AIG1: variants seen among roughly 807,000 people sequenced by gnomAD.
AIG1 encodes the protein androgen-induced gene 1 protein.
Under a neutral mutation model 31.4 loss-of-function variants are expected in AIG1, and 23 were observed. The observed-to-expected ratio is 0.73, with a 90% confidence interval of 0.53 to 1.04. The LOEUF is 1.04. Ranked by LOEUF, AIG1 falls within the 50% of genes least tolerant of loss-of-function variation. The probability of loss-of-function intolerance (pLI) is 0.00; values close to 1 mark genes in which losing one functional copy is unlikely to be tolerated. For missense variants in AIG1, 274 were observed against 295.0 expected, an observed-to-expected ratio of 0.93 and a Z score of 0.52; for synonymous variants, 100 against 110.5, an observed-to-expected ratio of 0.90 and a Z score of 0.60.
At chr6:143,210,191 A>G (rs561608391) in intron 3 of AIG1, among the ~76,000 whole-genome samples, 2 of 152,322 alleles carry the variant, frequency 1.3e-5, no homozygotes, top group South Asian at 4.1e-4. Flanking sequence ...CCATGTGAAG[A>G]AGGACATGTT....
intron 3 of AIG1, among the ~76,000 whole-genome samples, chr6:143,185,078 C>T (rs994065388): frequency 6.6e-6 from 1 of 152,118 alleles, no homozygotes; most frequent in African/African-American, 2.4e-5. Flanking sequence ...CGCCTGTAGT[C>T]CCACCTACTT....
chr6:143,229,784 C>CAACAAAAAAAAAA (rs1554260078), intron 3 of AIG1, among the ~76,000 whole-genome samples: 1 of 80,710 alleles, frequency 1.2e-5, no homozygotes. Context: ...ACTCTCAGAA[C>CAACAAAAAAAAAA]AAAAAAAAAA....
chr6:143,255,201 T>G (rs1358951791), intron 3 of AIG1, among the ~76,000 whole-genome samples: 2 of 152,192 alleles, frequency 1.3e-5, no homozygotes, highest in Non-Finnish European at 2.9e-5. Flanking sequence ...GCAACAATAA[T>G]TGAGCCACCC....
chr6:143,234,966 G>T (rs1793702943), intron 3 of AIG1, among the ~76,000 whole-genome samples: 1 of 152,128 alleles, frequency 6.6e-6, no homozygotes, highest in African/African-American at 2.4e-5. Flanking sequence ...TGAGTTAAAT[G>T]CACTTCCCTT....
chr6:143,194,187 A>G lies in AIG1; in HGVS notation c.399+29004A>G, dbSNP rs146098040. 3.4e-3 allele frequency among the ~76,000 whole-genome samples: 511 copies of G among 152,318 alleles called. 6 individuals are homozygous for G. Among genetic ancestry groups the G allele is most frequent in the African/African-American group, 0.012 (486 of 41,558 alleles). ...GACTTACAGTTCTGTATGGCTGGGT[A>G]GGTCTCAGGAAACTTACAATCATGG... On this transcript the variant is annotated intron_variant, in intron 3 of 5. Transcript: ENST00000357847.
At chr6:143,272,056 C>T (rs555192581) in intron 3 of AIG1, among the ~76,000 whole-genome samples, 44 of 152,198 alleles carry the variant, frequency 2.9e-4, no homozygotes, top group Non-Finnish European at 2.6e-4. Flanking sequence ...CCTTCCCTTA[C>T]GGTAATTATA....
At chr6:143,188,083 A>G (rs1249482877) in intron 3 of AIG1, 16 of 1,037,946 alleles carry the variant, frequency 1.5e-5, no homozygotes, top group Non-Finnish European at 1.9e-5. Context: ...CAAAGGGTAC[A>G]GTGATAAATG....
intron 3 of AIG1, among the ~76,000 whole-genome samples, chr6:143,246,656 A>G (rs1381195867): frequency 1.3e-5 from 2 of 152,272 alleles, no homozygotes; most frequent in Non-Finnish European, 2.9e-5. Flanking sequence ...TGTGGAGTTC[A>G]TAAAATAATA....
chr6:143,187,305 A>G (rs1051527541), intron 3 of AIG1: 1 of 1,180,798 alleles, frequency 8.5e-7, no homozygotes, highest in East Asian at 2.5e-5. Flanking sequence ...GCTAATATTC[A>G]CACATATGGC....
chr6:143,311,308 A>T (rs1383625887), intron 4 of AIG1, among the ~76,000 whole-genome samples: 1 of 151,938 alleles, frequency 6.6e-6, no homozygotes, highest in Non-Finnish European at 1.5e-5. Flanking sequence ...AATACTCAAG[A>T]TGATGGAGAC....
rs73777880 is a variant in AIG1 at position 143,123,413 on chromosome 6, T to C, written c.142-13422T>C. On this transcript the variant is annotated intron_variant, in intron 1 of 5. Transcript: ENST00000357847. ...GAGATAGAGTCAGGCAGACTCTAACTTGGCTATGTGCAGGCTTTTCTTACT... is the reference window on the plus strand; with the variant it reads ...GAGATAGAGTCAGGCAGACTCTAACCTGGCTATGTGCAGGCTTTTCTTACT... 3.2e-3 allele frequency among the ~76,000 whole-genome samples: 493 copies of C among 152,360 alleles called. 1 individual carries two copies. The highest frequency in any genetic ancestry group is 0.012 in the African/African-American group (479 of 41,576).
chr6:143,300,865 CA>C (rs1332747170), intron 4 of AIG1, among the ~76,000 whole-genome samples: 3 of 152,312 alleles, frequency 2.0e-5, no homozygotes, highest in African/African-American at 7.2e-5. Flanking sequence ...CTGACACATA[CA>C]AATGAGGTGA....
At chr6:143,168,610 C>T (rs575750420) in intron 3 of AIG1, among the ~76,000 whole-genome samples, 5 of 151,834 alleles carry the variant, frequency 3.3e-5, no homozygotes, top group Non-Finnish European at 5.9e-5. Context: ...AATTTCTTAC[C>T]AGCCTGGATA....
At chr6:143,191,428 A>G (rs1332359125) in intron 3 of AIG1, among the ~76,000 whole-genome samples, 1 of 152,222 alleles carries the variant, frequency 6.6e-6, no homozygotes, top group Non-Finnish European at 1.5e-5. Flanking sequence ...GTTATATGAA[A>G]CAAAATATAA....
intron 3 of AIG1, among the ~76,000 whole-genome samples, chr6:143,205,523 G>T (rs1028568062): frequency 6.6e-5 from 10 of 152,050 alleles, no homozygotes; most frequent in African/African-American, 1.9e-4. Context: ...TATATATTCT[G>T]GTGATAAATG....
chr6:143,334,494 G>C lies in AIG1; in HGVS notation c.679+1049G>C, dbSNP rs186253512. ...GTATTAGCCAATGTTAAATGGCGCA[G>C]AGGAATTTGAGGGTTTCTTTTCTCA... On this transcript the variant is annotated intron_variant, in intron 5 of 5. Coordinates refer to ENST00000357847, the MANE Select transcript of AIG1 (RefSeq NM_016108.4). The surrounding 1 kb of genome is among the most constrained non-coding windows in gnomAD (Gnocchi z 5.1). Among the ~76,000 whole-genome samples the C allele has an allele frequency of 3.3e-5, 5 of 152,334 alleles. No individual in the cohort carries two copies. In the East Asian group the frequency reaches 9.6e-4, roughly 29 times the overall value.
intron 3 of AIG1, chr6:143,190,241 A>G (rs1789667052): frequency 2.0e-6 from 2 of 985,368 alleles, no homozygotes; most frequent in Admixed American, 6.1e-5. Context: ...AAGGAACACC[A>G]TGACTTCTGA....
chr6:143,136,093 TGTATAA>T (rs1483228286), intron 1 of AIG1, among the ~76,000 whole-genome samples: 2 of 152,202 alleles, frequency 1.3e-5, no homozygotes, highest in Admixed American at 1.3e-4. Context: ...ATTTGAGGAA[TGTATAA>T]CCTGTAGTTT....
intron 3 of AIG1, among the ~76,000 whole-genome samples, chr6:143,283,486 T>G (rs1020593556): frequency 6.6e-6 from 1 of 152,228 alleles, no homozygotes; most frequent in Non-Finnish European, 1.5e-5. Context: ...ATTTAACATT[T>G]GGACAAAGAG....
Sources: allele counts gnomAD v4.1 joint callset (sites outside exome capture counted in the v4.1 genomes callset), GRCh38; gene constraint gnomAD v4.1.1; non-coding constraint Gnocchi (gnomAD v3.1); transcripts MANE v1.5; gene names NCBI Gene and HGNC (gene_info 2026-07-23, HGNC 2026-07-21).